Variants in GTF2A1L observed in about 807,000 individuals in gnomAD.
GTF2A1L encodes general transcription factor IIA subunit 1 like.
Under a neutral mutation model 49.7 loss-of-function variants are expected in GTF2A1L, and 48 were observed. The observed-to-expected ratio is 0.97, with a 90% CI of 0.77 to 1.23. The LOEUF (loss-of-function observed/expected upper bound fraction) is 1.23. Ranked by LOEUF, GTF2A1L falls within the 50% of genes most tolerant of loss-of-function variation. The probability of loss-of-function intolerance (pLI) is 0.00; values close to 1 mark genes in which losing one functional copy is unlikely to be tolerated. For synonymous variants in GTF2A1L, 246 were observed against 193.5 expected (o/e 1.27, Z -2.25); for missense variants, 736 against 564.8 (o/e 1.30, Z -3.07).
At chr2:48,642,611 T>G (rs1677261001) in intron 4 of GTF2A1L, among the ~76,000 whole-genome samples, 154 bp downstream of exon 4, 1 of 152,080 alleles carries the variant, frequency 6.6e-6, no homozygotes, top group Non-Finnish European at 1.5e-5. Flanking sequence ...TTCCAGCACT[T>G]TGGGAGGCTG....
At chr2:48,656,698 G>A (rs187247107) in intron 6 of GTF2A1L, among the ~76,000 whole-genome samples, 2 of 152,040 alleles carry the variant, frequency 1.3e-5, no homozygotes, top group East Asian at 3.9e-4. Context: ...TTTGATTTTG[G>A]TGAAGTCCAT....
intron 6 of GTF2A1L, among the ~76,000 whole-genome samples, chr2:48,669,270 A>C (rs1326316752): frequency 6.6e-6 from 1 of 152,156 alleles, no homozygotes; most frequent in African/African-American, 2.4e-5. Flanking sequence ...TATAAGTGGA[A>C]TCATGTAAGA....
chr2:48,630,176 G>T (rs1256146768), intron 3 of GTF2A1L, among the ~76,000 whole-genome samples: 2 of 143,420 alleles, frequency 1.4e-5, no homozygotes, highest in Admixed American at 7.1e-5. Flanking sequence ...GGTTTGATAG[G>T]AATAGCATTG....
At chr2:48,644,662 G>C (rs917850215) in intron 4 of GTF2A1L, among the ~76,000 whole-genome samples, 1 of 152,166 alleles carries the variant, frequency 6.6e-6, no homozygotes, top group Non-Finnish European at 1.5e-5. Flanking sequence ...ACAGTAGTTT[G>C]AGAGAACCAA....
At chr2:48,655,408 C>G (rs1016570495) in intron 6 of GTF2A1L, among the ~76,000 whole-genome samples, 49 of 152,072 alleles carry the variant, frequency 3.2e-4, no homozygotes, top group African/African-American at 1.2e-3. Flanking sequence ...CCAGGTTTGT[C>G]TCAAATGCCT....
At chr2:48,632,108 C>G (rs1046429340) in intron 3 of GTF2A1L, among the ~76,000 whole-genome samples, 2 of 152,180 alleles carry the variant, frequency 1.3e-5, no homozygotes, top group Non-Finnish European at 2.9e-5. Flanking sequence ...GTATAAGGCT[C>G]TACTTCAGAT....
intron 6 of GTF2A1L, among the ~76,000 whole-genome samples, chr2:48,648,222 G>GT (rs34433603): frequency 0.09 from 13,630 of 151,688 alleles, 661 homozygotes; most frequent in Non-Finnish European, 0.11. Flanking sequence ...TTTTATTGAG[G>GT]TTTTTTTTAC....
Position 48,677,734 on chromosome 2 carries a change from G to A in GTF2A1L, c.1330-1601G>A, listed in dbSNP as rs76552622. 3.9e-3 allele frequency among the ~76,000 whole-genome samples: 586 copies of A among 152,124 alleles called. 3 individuals carry two copies. Among genetic ancestry groups the A allele is most frequent in the African/African-American group, 0.013 (553 of 41,546 alleles). The stretch of plus-strand genomic sequence containing the variant: ...TTGACCTGGGCAAGAGAAGATGATG[G>A]CTGAGATAAGAGTAACAGTAGTGGA... On this transcript the variant is annotated intron_variant, in intron 8 of 8. Coordinates refer to ENST00000403751, the MANE Select transcript of GTF2A1L (RefSeq NM_006872.5).
intron 6 of GTF2A1L, among the ~76,000 whole-genome samples, chr2:48,657,017 G>C (rs939328528): frequency 6.6e-6 from 1 of 152,132 alleles, no homozygotes; most frequent in African/African-American, 2.4e-5. Context: ...ACGGTTTGTT[G>C]CTGGGATCTT....
At chr2:48,678,765 T>A (rs1006775176) in intron 8 of GTF2A1L, among the ~76,000 whole-genome samples, 2 of 152,022 alleles carry the variant, frequency 1.3e-5, no homozygotes, top group Non-Finnish European at 2.9e-5. Flanking sequence ...AAGTATCACT[T>A]TTTCATTTCT....
chr2:48,620,076 G>T (rs554201519), intron 1 of GTF2A1L, among the ~76,000 whole-genome samples: 2 of 152,272 alleles, frequency 1.3e-5, no homozygotes, highest in East Asian at 1.9e-4. Flanking sequence ...CAGTTTTCTG[G>T]CTTGGAGTTT....
rs560259247 is a variant in GTF2A1L, at chr2:48,649,794, A to G, written c.978+2752A>G. 7.2e-5 allele frequency among the ~76,000 whole-genome samples: 11 copies of G among 152,290 alleles called. No homozygotes were observed. In the South Asian group the frequency reaches 2.3e-3, roughly 32 times the overall value. ...AAACTTCAGGCACCTTAATATACAT[A>G]TACAAAGCATATTACGCGTTCTTTC... On this transcript the variant is annotated intron_variant, in intron 6 of 8. Transcript: ENST00000403751.
intron 1 of GTF2A1L, chr2:48,618,231 G>A (rs1675774188): frequency 6.6e-6 from 2 of 301,950 alleles, no homozygotes; most frequent in East Asian, 1.2e-4. Flanking sequence ...AAGTTCGGTT[G>A]TGTTAATTTT....
chr2:48,678,430 T>C (rs1679589508), intron 8 of GTF2A1L, among the ~76,000 whole-genome samples: 1 of 152,086 alleles, frequency 6.6e-6, no homozygotes, highest in Non-Finnish European at 1.5e-5. Flanking sequence ...TGTTTTCTTA[T>C]GCTTCACAAA....
In GTF2A1L at chr2:48,646,952, T is replaced by C; in HGVS notation, c.888T>C (p.Leu296=). 1 of 1,614,194 alleles carries C rather than the reference T, an allele frequency of 6.2e-7. No homozygotes were observed. The highest frequency in any genetic ancestry group is 8.5e-7 in the Non-Finnish European group (1 of 1,180,034). The stretch of plus-strand genomic sequence containing the variant: ...ACCAGCACGTGACTGATATTCAGCT[T>C]CATATTCTTAAAAATAGGATGTATG... ...ALHQHVTDIQ[L]HILKNRMYGC... The change falls in exon 6 of 9, where the codon CTT becomes CTC. Residue 296 remains leucine, a synonymous_variant. Transcript: ENST00000403751.
chr2:48,666,017 G>T (rs945893904), intron 6 of GTF2A1L, among the ~76,000 whole-genome samples: 1 of 151,814 alleles, frequency 6.6e-6, no homozygotes, highest in Non-Finnish European at 1.5e-5. Flanking sequence ...ATCTTCAATC[G>T]ATCCCTTTAT....
At chr2:48,672,693 A>T (rs1679236770) in intron 8 of GTF2A1L, among the ~76,000 whole-genome samples, 1 of 152,200 alleles carries the variant, frequency 6.6e-6, no homozygotes, top group South Asian at 2.1e-4. Flanking sequence ...CTTTTTAAAA[A>T]ACACTACAGC....
intron 6 of GTF2A1L, among the ~76,000 whole-genome samples, chr2:48,655,192 A>G (rs1275686182): frequency 1.3e-5 from 2 of 151,780 alleles, no homozygotes. Flanking sequence ...TTTTTAGCAT[A>G]TACATATTAT....
intron 7 of GTF2A1L, among the ~76,000 whole-genome samples, chr2:48,670,666 G>A (rs1012776987): frequency 6.6e-6 from 1 of 152,074 alleles, no homozygotes; most frequent in African/African-American, 2.4e-5. Context: ...TATGTGCCAG[G>A]CATCATATTA....
Sources: gnomAD v4.1 joint callset for allele counts (sites outside exome capture counted in the v4.1 genomes callset) on GRCh38, gnomAD v4.1.1 for gene constraint, MANE v1.5 for transcripts, NCBI Gene and HGNC (gene_info 2026-07-23, HGNC 2026-07-21) for gene names.